The following AOPEP variants were observed in gnomAD, a reference collection of about 807,000 sequenced individuals.
AOPEP encodes aminopeptidase O (putative).
AOPEP carries 77 observed loss-of-function variants against 98.1 expected under a neutral mutation model. The observed-to-expected ratio is 0.78, with a 90% confidence interval of 0.65 to 0.95. AOPEP has a LOEUF of 0.95. AOPEP is among the 40% of genes least tolerant of loss of function. The pLI, the probability that AOPEP is intolerant of heterozygous loss-of-function variation, is 0.00. For missense variants in AOPEP, 1,024 were observed against 1,024.7 expected (o/e 1.00, Z 0.01); for synonymous variants, 346 against 365.3 (o/e 0.95, Z 0.60).
intron 5 of AOPEP, among the ~76,000 whole-genome samples, chr9:94,813,073 G>T (rs767495400): frequency 6.6e-6 from 1 of 152,114 alleles, no homozygotes; most frequent in Non-Finnish European, 1.5e-5. Flanking sequence ...AGGAATTCTC[G>T]TGGGTTTTCG....
At chr9:94,899,157 A>G (rs2050020819) in intron 5 of AOPEP, among the ~76,000 whole-genome samples, 1 of 148,884 alleles carries the variant, frequency 6.7e-6, no homozygotes, top group Non-Finnish European at 1.5e-5. Flanking sequence ...GGAGGAGGGA[A>G]GATAATTTGC....
intron 11 of AOPEP, chr9:95,004,216 A>C (rs1376966999): frequency 4.4e-6 from 2 of 456,200 alleles, no homozygotes; most frequent in African/African-American, 4.0e-5. Flanking sequence ...GGGTTCCAGC[A>C]ACTGCTGATG....
chr9:94,984,329 G>T (rs548908635), intron 11 of AOPEP, among the ~76,000 whole-genome samples: 1 of 152,038 alleles, frequency 6.6e-6, no homozygotes, highest in Non-Finnish European at 1.5e-5. Flanking sequence ...GCACCTAGCC[G>T]GAGCTGATTT....
intron 3 of AOPEP, among the ~76,000 whole-genome samples, chr9:94,790,846 A>G (rs1350377621): frequency 2.0e-5 from 3 of 151,808 alleles, no homozygotes; most frequent in African/African-American, 7.3e-5. Flanking sequence ...TGAATTTGAC[A>G]TCCAATCACC....
the AOPEP span, among the ~76,000 whole-genome samples, chr9:95,146,806 G>T: frequency 6.6e-5 from 10 of 151,982 alleles, no homozygotes; most frequent in Non-Finnish European, 1.2e-4. Context: ...GGGGTTCAAA[G>T]AACTGTTTCC....
intron 14 of AOPEP, among the ~76,000 whole-genome samples, chr9:95,076,319 C>G (rs2069061520): frequency 6.6e-6 from 1 of 152,194 alleles, no homozygotes; most frequent in Non-Finnish European, 1.5e-5. Context: ...ACACACTGAT[C>G]TGGACACCCC....
intron 7 of AOPEP, among the ~76,000 whole-genome samples, chr9:94,938,319 A>G (rs2137347105): frequency 6.6e-6 from 1 of 152,332 alleles, no homozygotes; most frequent in South Asian, 2.1e-4. Flanking sequence ...AATGAATCTC[A>G]TAGACATGAT....
At chr9:95,058,002 C>T (rs768060058) in intron 13 of AOPEP, among the ~76,000 whole-genome samples, 2 of 152,150 alleles carry the variant, frequency 1.3e-5, no homozygotes, top group African/African-American at 4.8e-5. Flanking sequence ...ATCTCGCGGT[C>T]TTAAGTCAGG....
intron 13 of AOPEP, among the ~76,000 whole-genome samples, chr9:95,008,652 A>C (rs1172154652): frequency 6.6e-6 from 1 of 151,960 alleles, no homozygotes; most frequent in East Asian, 1.9e-4. Context: ...GGGGACTGAG[A>C]TGTACCATGC....
chr9:94,830,975 C>CA (rs1202558921), intron 5 of AOPEP, among the ~76,000 whole-genome samples: 1 of 152,026 alleles, frequency 6.6e-6, no homozygotes. Flanking sequence ...GGATAGATTG[C>CA]AAAATTTTTT....
chr9:95,074,216 T>G (rs2068810975), intron 14 of AOPEP, among the ~76,000 whole-genome samples: 1 of 152,144 alleles, frequency 6.6e-6, no homozygotes, highest in Non-Finnish European at 1.5e-5. Context: ...ACATACCCCG[T>G]CCTCCCTGTG....
chr9:94,998,916 T>A (rs1331654979), intron 11 of AOPEP, among the ~76,000 whole-genome samples: 1 of 152,118 alleles, frequency 6.6e-6, no homozygotes, highest in Non-Finnish European at 1.5e-5. Context: ...TGTATAGTAT[T>A]ATGTTTATTT....
At chr9:95,104,955 G>A in the AOPEP span, among the ~76,000 whole-genome samples, 7 of 152,178 alleles carry the variant, frequency 4.6e-5, no homozygotes, top group Non-Finnish European at 8.8e-5. Context: ...TGTCTCTCGC[G>A]TCTGGCTTAT....
At chr9:95,115,318 C>A in the AOPEP span, among the ~76,000 whole-genome samples, 46 of 152,296 alleles carry the variant, frequency 3.0e-4, 2 homozygotes, top group South Asian at 9.3e-3. Flanking sequence ...TGGGAAATGC[C>A]GGGTTGCGGA....
At chr9:95,093,033 C>A in the AOPEP span, among the ~76,000 whole-genome samples, 116 of 152,324 alleles carry the variant, frequency 7.6e-4, no homozygotes, top group African/African-American at 2.6e-3. Context: ...GAGTCCGTTT[C>A]AGTGATTGCT....
intron 7 of AOPEP, chr9:94,928,781 C>T (rs558257621): frequency 4.4e-5 from 19 of 427,028 alleles, no homozygotes; most frequent in South Asian, 2.5e-4. Flanking sequence ...TCAGATCCTT[C>T]GTTTGAAGTT....
At chr9:94,822,970 A>G (rs1370386272) in intron 5 of AOPEP, among the ~76,000 whole-genome samples, 1 of 148,998 alleles carries the variant, frequency 6.7e-6, no homozygotes, top group Non-Finnish European at 1.5e-5. Flanking sequence ...TGGTGCCACA[A>G]TTTCACTCAC....
At chr9:94,974,605 G>C (rs945766991) in intron 10 of AOPEP, among the ~76,000 whole-genome samples, 2 of 152,196 alleles carry the variant, frequency 1.3e-5, no homozygotes, top group African/African-American at 4.8e-5. Flanking sequence ...GATCTCTTCA[G>C]AAATGTAACC....
Position 94,958,477 on chromosome 9 carries a change from T to C in AOPEP, c.1872+2462T>C, listed in dbSNP as rs145542480. Among the ~76,000 whole-genome samples the C allele has an allele frequency of 3.2e-3, 487 of 152,346 alleles. 5 individuals carry two copies. The highest frequency in any genetic ancestry group is 0.011 in the African/African-American group (472 of 41,584). The stretch of plus-strand genomic sequence containing the variant: ...TTGAAGAATTGCCATACTGTTTCCA[T>C]ATTGGCTGTGCCATTTTACATTCCC... On this transcript the variant is annotated intron_variant, in intron 9 of 16. Coordinates refer to ENST00000375315, the MANE Select transcript of AOPEP (RefSeq NM_001193329.3).
Sources: gnomAD v4.1 joint callset for allele counts (sites outside exome capture counted in the v4.1 genomes callset) on GRCh38, gnomAD v4.1.1 for gene constraint, MANE v1.5 for transcripts, NCBI Gene and HGNC (gene_info 2026-07-23, HGNC 2026-07-21) for gene names.